Variants in SETD7 observed in about 807,000 individuals in gnomAD.
The protein encoded by SETD7 is histone-lysine N-methyltransferase SETD7.
In SETD7, 16 loss-of-function variants were observed where a neutral mutation model predicts 41.8. The ratio of observed to expected loss-of-function variants is 0.38; its 90% confidence interval spans 0.26 to 0.58. SETD7 has a LOEUF of 0.58. SETD7 is among the 20% of genes least tolerant of loss of function. SETD7 has a pLI of 0.64. For missense variants in SETD7, 346 were observed against 459.7 expected (o/e 0.75, Z 2.26); for synonymous variants, 163 against 169.7 (o/e 0.96, Z 0.31).
chr4:139,530,100 G>C (rs1727441184), intron 3 of SETD7, among the ~76,000 whole-genome samples: 1 of 151,948 alleles, frequency 6.6e-6, no homozygotes, highest in Admixed American at 6.5e-5. Context: ...AATTGAACAG[G>C]GTTACCAAAA....
intron 4 of SETD7, among the ~76,000 whole-genome samples, chr4:139,526,322 T>C (rs1727329528): frequency 6.6e-6 from 1 of 151,728 alleles, no homozygotes; most frequent in Non-Finnish European, 1.5e-5. Flanking sequence ...TCGCCCAGAC[T>C]GGAGTGCAGT....
At chr4:139,495,154 T>G (rs1726431078), downstream of SETD7, among the ~76,000 whole-genome samples, 1 of 152,170 alleles carries the variant, frequency 6.6e-6, no homozygotes, top group Non-Finnish European at 1.5e-5. Flanking sequence ...ACTGTGAAAA[T>G]TAAATGAATT....
At chr4:139,535,637 A>T (rs1044349921) in intron 2 of SETD7, among the ~76,000 whole-genome samples, 6 of 152,302 alleles carry the variant, frequency 3.9e-5, no homozygotes, top group South Asian at 2.1e-4. Context: ...GGAGCCCATC[A>T]TCCCATCTAT....
chr4:139,532,042 C>T (rs1023777299), intron 3 of SETD7, among the ~76,000 whole-genome samples: 1 of 152,094 alleles, frequency 6.6e-6, no homozygotes, highest in Non-Finnish European at 1.5e-5. Flanking sequence ...TGCAGTAAGC[C>T]GACATGGCAC....
rs750715278 is a variant in SETD7 at position 139,547,026 on chromosome 4, G to T, written c.64C>A (p.Pro22Thr). The change falls in exon 2 of 8, where the codon CCG (proline) becomes ACG (threonine). Residue 22 changes from proline to threonine, a missense_variant. Physicochemically the swap from Pro to Thr is conservative, Grantham distance 38 (BLOSUM62 -1). Around this residue, in one of 3 missense-constraint regions of SETD7, gnomAD observed 266 missense variants for 377.0 expected, o/e 0.71. Transcript: ENST00000274031. ...VEGHLDDDGL[P>T]HGFCTVTYSS... The stretch of plus-strand genomic sequence containing the variant: ...TAGGTGACTGTGCAGAACCCGTGCG[G>T]TAATCCGTCATCGTCCAGGTGCCCT... The T allele has an allele frequency of 6.2e-7, 1 of 1,613,918 alleles. No homozygotes were observed. The highest frequency in any genetic ancestry group is 8.5e-7 in the Non-Finnish European group (1 of 1,179,982).
At chr4:139,539,001 G>A (rs951073675) in intron 2 of SETD7, among the ~76,000 whole-genome samples, 2 of 152,062 alleles carry the variant, frequency 1.3e-5, no homozygotes, top group Admixed American at 6.5e-5. Flanking sequence ...TTTTATAGTT[G>A]TTTTCCTAGA....
At chr4:139,539,313 T>G (rs1727723270) in intron 2 of SETD7, among the ~76,000 whole-genome samples, 3 of 152,190 alleles carry the variant, frequency 2.0e-5, no homozygotes, top group African/African-American at 7.2e-5. Context: ...AGTATATACA[T>G]TATTTTAGGA....
chr4:139,538,231 T>C (rs1250135512), intron 2 of SETD7, among the ~76,000 whole-genome samples: 2 of 152,248 alleles, frequency 1.3e-5, no homozygotes, highest in African/African-American at 4.8e-5. Context: ...TATGTGTTCA[T>C]TGTAAAACAA....
At chr4:139,526,946 A>T (rs2592975) in intron 4 of SETD7, among the ~76,000 whole-genome samples, 151,150 of 152,120 alleles carry the variant, frequency 0.99, 75,101 homozygotes, top group Non-Finnish European at 1. Flanking sequence ...TCCTTTTTTT[A>T]AAAAAATAAA....
intron 1 of SETD7, among the ~76,000 whole-genome samples, chr4:139,551,562 C>A (rs945080451): frequency 1.3e-5 from 2 of 152,140 alleles, no homozygotes; most frequent in Non-Finnish European, 2.9e-5. Context: ...CAATGTACAT[C>A]TCAATCTCAG....
intron 5 of SETD7, among the ~76,000 whole-genome samples, chr4:139,522,652 C>A (rs1727207988): frequency 6.6e-6 from 1 of 151,690 alleles, no homozygotes; most frequent in Non-Finnish European, 1.5e-5. Context: ...ATGAAATGTT[C>A]CCCTAGAGGG....
At chr4:139,543,977 A>AACAAACAC (rs762277754) in intron 2 of SETD7, among the ~76,000 whole-genome samples, 1 of 151,046 alleles carries the variant, frequency 6.6e-6, no homozygotes, top group Non-Finnish European at 1.5e-5. Context: ...CAAACAAACA[A>AACAAACAC]ACAAACAAAC....
In SETD7 at chr4:139,511,423, C is replaced by T. The variant is rs1417045769; in HGVS notation, c.*240G>A. On this transcript the variant is annotated 3_prime_UTR_variant, in exon 8 of 8. Transcript: ENST00000274031. Reference sequence around the variant, plus strand: ...GAACCACCAAAGAACATCACGCTGTCTTATGTCAAATGCTCGACAATACCT... The same window carrying T: ...GAACCACCAAAGAACATCACGCTGTTTTATGTCAAATGCTCGACAATACCT... 4 of 555,552 alleles carry T rather than the reference C, an allele frequency of 7.2e-6. No individual in the cohort carries two copies. Among genetic ancestry groups the T allele is most frequent in the Non-Finnish European group, 1.2e-5 (4 of 336,902 alleles). The allele number at this position is 555,552 out of a possible 1,614,324, so 34.4% of individuals were successfully genotyped here.
chr4:139,524,841 C>T (rs1727281267), intron 4 of SETD7, among the ~76,000 whole-genome samples: 2 of 152,010 alleles, frequency 1.3e-5, no homozygotes, highest in Admixed American at 6.6e-5. Context: ...TCTTTTGAGA[C>T]AGTCTTGCTC....
chr4:139,505,593 T>TA (rs200308775), downstream of SETD7, among the ~76,000 whole-genome samples: 237 of 147,950 alleles, frequency 1.6e-3, 1 homozygote, highest in Middle Eastern at 6.8e-3. Context: ...CATCTCAGAT[T>TA]AAAAAAAAAA....
chr4:139,513,933 G>A lies in SETD7; in HGVS notation c.921-2090C>T, dbSNP rs182511412. Among the ~76,000 whole-genome samples the A allele has an allele frequency of 6.6e-5, 10 of 152,346 alleles. No homozygotes were observed. In the East Asian group the frequency reaches 9.6e-4, roughly 15 times the overall value. Reference sequence around the variant, plus strand: ...CCTGTACTCCACCACAAAGAGATGCGTGGACTGTGGATTCAGGAATTCCTT... The same window carrying A: ...CCTGTACTCCACCACAAAGAGATGCATGGACTGTGGATTCAGGAATTCCTT... On this transcript the variant is annotated intron_variant, in intron 7 of 7. Transcript: ENST00000274031.
At chr4:139,517,123 C>A (rs896358094) in intron 7 of SETD7, among the ~76,000 whole-genome samples, 3 of 152,182 alleles carry the variant, frequency 2.0e-5, no homozygotes, top group African/African-American at 4.8e-5. Context: ...TCTTTTCCAA[C>A]GCTGAGATGT....
intron 1 of SETD7, among the ~76,000 whole-genome samples, chr4:139,551,880 A>T (rs1025004579): frequency 2.0e-5 from 3 of 152,266 alleles, no homozygotes; most frequent in Middle Eastern, 3.4e-3. Flanking sequence ...ACAAAAAACA[A>T]CAATAATAAA....
downstream of SETD7, among the ~76,000 whole-genome samples, chr4:139,493,202 G>A (rs140552566): frequency 4.6e-3 from 706 of 152,374 alleles, 5 homozygotes; most frequent in Non-Finnish European, 8.1e-3. Context: ...CAGCAGATAA[G>A]TTGAGGAGGC....
Sources: allele counts gnomAD v4.1 joint callset (sites outside exome capture counted in the v4.1 genomes callset), GRCh38; gene constraint gnomAD v4.1.1; regional missense constraint gnomAD v4.1.1; transcripts MANE v1.5; gene names NCBI Gene and HGNC (gene_info 2026-07-23, HGNC 2026-07-21).